Variants in ROBO1 observed in about 807,000 individuals in gnomAD.
The protein encoded by ROBO1 is roundabout guidance receptor 1.
ROBO1 carries 149 observed loss-of-function variants against 195.9 expected under a neutral mutation model. The observed-to-expected ratio is 0.76, with a 90% CI of 0.67 to 0.87. The LOEUF (loss-of-function observed/expected upper bound fraction) is 0.87. Ranked by LOEUF, ROBO1 falls within the 40% of genes least tolerant of loss-of-function variation. ROBO1 has a pLI of 0.00. For missense variants in ROBO1, 1,933 were observed against 2,068.3 expected (o/e 0.93, Z 1.27); for synonymous variants, 816 against 733.2 (o/e 1.11, Z -1.82).
chr3:78,936,384 T>C (rs138259766), intron 4 of ROBO1, among the ~76,000 whole-genome samples: 1 of 152,060 alleles, frequency 6.6e-6, no homozygotes, highest in East Asian at 1.9e-4. Context: ...TTAATGTTTT[T>C]ACTTGGGGGT....
intron 3 of ROBO1, among the ~76,000 whole-genome samples, chr3:79,004,968 A>C (rs944759678): frequency 2.6e-5 from 4 of 152,238 alleles, no homozygotes; most frequent in African/African-American, 7.2e-5. Context: ...AAATTAGCCA[A>C]TATATTCTCA....
intron 3 of ROBO1, among the ~76,000 whole-genome samples, chr3:79,040,491 T>A (rs962989793): frequency 6.6e-6 from 1 of 152,214 alleles, no homozygotes; most frequent in African/African-American, 2.4e-5. Context: ...ACTCATTTAA[T>A]GGGTAACACC....
At chr3:79,240,725 A>C (rs2082497325) in intron 2 of ROBO1, among the ~76,000 whole-genome samples, 2 of 152,030 alleles carry the variant, frequency 1.3e-5, no homozygotes, top group African/African-American at 4.8e-5. Flanking sequence ...GGGCTCACTG[A>C]AGGCTTGACT....
intron 2 of ROBO1, among the ~76,000 whole-genome samples, chr3:79,202,228 T>C (rs1228755733): frequency 6.6e-6 from 1 of 152,058 alleles, no homozygotes; most frequent in East Asian, 1.9e-4. Flanking sequence ...TTGATACCTT[T>C]AGTTTTTGAA....
chr3:79,273,278 A>G (rs750733144), intron 2 of ROBO1, among the ~76,000 whole-genome samples: 1 of 152,128 alleles, frequency 6.6e-6, no homozygotes, highest in Non-Finnish European at 1.5e-5. Context: ...AAGAATGAAC[A>G]TATCAAAAAC....
chr3:78,891,705 G>A (rs757626222), intron 4 of ROBO1, among the ~76,000 whole-genome samples: 1 of 152,126 alleles, frequency 6.6e-6, no homozygotes, highest in Non-Finnish European at 1.5e-5. Context: ...GTTCGTACAA[G>A]AATGAATAAA....
intron 2 of ROBO1, among the ~76,000 whole-genome samples, chr3:79,299,196 G>A (rs183706327): frequency 1.3e-5 from 2 of 152,104 alleles, no homozygotes; most frequent in Admixed American, 1.3e-4. Flanking sequence ...AGTTTACATC[G>A]CATTTAGCAT....
chr3:78,885,953 A>G (rs1008943620), intron 4 of ROBO1, among the ~76,000 whole-genome samples: 1 of 145,674 alleles, frequency 6.9e-6, no homozygotes, highest in African/African-American at 2.5e-5. Flanking sequence ...ATACATATAT[A>G]TTTTTTTAAG....
rs537963454 is a variant in ROBO1 at position 79,642,915 on chromosome 3, C to G, written c.-50-52954G>C. 3.3e-5 allele frequency among the ~76,000 whole-genome samples: 5 copies of G among 152,148 alleles called. No individual in the cohort carries two copies. In the East Asian group the frequency reaches 9.7e-4, roughly 30 times the overall value. On this transcript the variant is annotated intron_variant, in intron 1 of 30. Transcript: ENST00000464233. ...TACAATACACTCATAACTCGTGAAG[C>G]CTGTGATGGTTAATATTGAGTGTCA...
At chr3:79,169,417 T>G (rs1257678099) in intron 2 of ROBO1, among the ~76,000 whole-genome samples, 1 of 152,144 alleles carries the variant, frequency 6.6e-6, no homozygotes, top group African/African-American at 2.4e-5. Context: ...TTCCACTTTA[T>G]CCTATTCAGC....
chr3:79,180,405 A>C (rs1383110650), intron 2 of ROBO1, among the ~76,000 whole-genome samples: 1 of 152,204 alleles, frequency 6.6e-6, no homozygotes, highest in Non-Finnish European at 1.5e-5. Flanking sequence ...AAGGAGAAAT[A>C]AATTTTTTAA....
chr3:78,808,639 T>G (rs998777518), intron 4 of ROBO1, among the ~76,000 whole-genome samples: 2 of 152,188 alleles, frequency 1.3e-5, no homozygotes, highest in Non-Finnish European at 1.5e-5. Context: ...ATAGCTTCAA[T>G]GGCTTAAATT....
intron 2 of ROBO1, among the ~76,000 whole-genome samples, chr3:79,419,295 C>T (rs902860615): frequency 6.6e-6 from 1 of 152,058 alleles, no homozygotes; most frequent in Non-Finnish European, 1.5e-5. Context: ...ATCCCTTGGT[C>T]ATGTATTTAA....
intron 2 of ROBO1, among the ~76,000 whole-genome samples, chr3:79,305,651 T>C (rs2033185282): frequency 6.6e-6 from 1 of 152,094 alleles, no homozygotes; most frequent in African/African-American, 2.4e-5. Context: ...TTCTTTTTGA[T>C]ATGTACAATT....
intron 3 of ROBO1, among the ~76,000 whole-genome samples, chr3:78,994,120 C>G (rs1031411208): frequency 6.6e-6 from 1 of 152,118 alleles, no homozygotes; most frequent in African/African-American, 2.4e-5. Context: ...TCTCATCTGC[C>G]TTTAAGATCA....
intron 2 of ROBO1, among the ~76,000 whole-genome samples, chr3:79,549,856 T>G (rs1942411394): frequency 6.6e-6 from 1 of 152,080 alleles, no homozygotes. Context: ...CTGAGGTGGC[T>G]CACCCAGGAA....
intron 10 of ROBO1, among the ~76,000 whole-genome samples, chr3:78,676,496 G>A (rs1280218131): frequency 2.0e-5 from 3 of 152,206 alleles, no homozygotes; most frequent in South Asian, 2.1e-4. Flanking sequence ...TGATGGAGCT[G>A]AAAGCCAAAG....
At position 78,938,776 on chromosome 3, in the gene ROBO1, C is replaced by T. The variant is rs1287792232; in HGVS notation, c.324G>A (p.Val108=). 2 of 1,613,962 alleles carry T rather than the reference C, an allele frequency of 1.2e-6. No individual in the cohort carries two copies. The highest frequency in any genetic ancestry group is 1.7e-6 in the Non-Finnish European group (2 of 1,179,894). Residue 108 remains valine (V), a synonymous_variant, in exon 4 of 31, where the codon GTG becomes GTA. Coordinates refer to ENST00000464233, the MANE Select transcript of ROBO1 (RefSeq NM_002941.4). ...AGCGAGGGTCATCTTTGTCTGTCTC[C>T]ACTCTCTCTCCCCCTTTGTACCATT... The part of the protein sequence containing the change: ...TIEWYKGGER[V]ETDKDDPRSH...
chr3:79,218,381 C>G (rs1000276653), intron 2 of ROBO1, among the ~76,000 whole-genome samples: 1 of 151,846 alleles, frequency 6.6e-6, no homozygotes, highest in Non-Finnish European at 1.5e-5. Flanking sequence ...TTTCTTATAC[C>G]CAGGCCATTT....
Sources: gnomAD v4.1 joint callset for allele counts (sites outside exome capture counted in the v4.1 genomes callset) on GRCh38, gnomAD v4.1.1 for gene constraint, MANE v1.5 for transcripts, NCBI Gene and HGNC (gene_info 2026-07-23, HGNC 2026-07-21) for gene names.